RFX3: variants seen among roughly 807,000 people sequenced by gnomAD.
RFX3 encodes the protein transcription factor RFX3.
RFX3 carries 14 observed loss-of-function variants against 98.6 expected under a neutral mutation model. That is an observed-to-expected ratio of 0.14 (90% CI 0.09 to 0.22). The LOEUF (loss-of-function observed/expected upper bound fraction) is 0.22, where lower values mean the gene tolerates loss of function less well. Ranked by LOEUF, RFX3 falls within the 10% of genes least tolerant of loss-of-function variation. RFX3 has a pLI of 1.00. For missense variants in RFX3, 639 were observed against 926.9 expected (o/e 0.69, Z 4.03); for synonymous variants, 383 against 328.4 (o/e 1.17, Z -1.80).
chr9:3,362,891 C>T (rs903317548), intron 2 of RFX3, among the ~76,000 whole-genome samples: 2 of 152,236 alleles, frequency 1.3e-5, no homozygotes, highest in East Asian at 3.9e-4. Flanking sequence ...TGTCTGGGAG[C>T]AGGAATGTTA....
At chr9:3,460,521 C>G (rs1023238342) in intron 1 of RFX3, among the ~76,000 whole-genome samples, 1 of 151,794 alleles carries the variant, frequency 6.6e-6, no homozygotes, top group East Asian at 1.9e-4. Context: ...TAAGATAAAC[C>G]AACATTTTAA....
chr9:3,296,460 A>G (rs1289278412), intron 5 of RFX3, among the ~76,000 whole-genome samples: 1 of 152,084 alleles, frequency 6.6e-6, no homozygotes, highest in Non-Finnish European at 1.5e-5. Flanking sequence ...TGTTCTTCTT[A>G]TATAGTTTAT....
chr9:3,433,959 T>C (rs773959325), intron 1 of RFX3, among the ~76,000 whole-genome samples: 1 of 152,178 alleles, frequency 6.6e-6, no homozygotes, highest in Non-Finnish European at 1.5e-5. Flanking sequence ...CCAGGCGGAT[T>C]TGGCACCAAG....
At chr9:3,296,471 A>G (rs1228771377) in intron 5 of RFX3, among the ~76,000 whole-genome samples, 1 of 152,098 alleles carries the variant, frequency 6.6e-6, no homozygotes, top group Non-Finnish European at 1.5e-5. Flanking sequence ...TATAGTTTAT[A>G]TTCTTAAACT....
intron 2 of RFX3, among the ~76,000 whole-genome samples, chr9:3,374,766 G>C (rs1421826766): frequency 6.6e-6 from 1 of 151,930 alleles, no homozygotes; most frequent in Non-Finnish European, 1.5e-5. Context: ...CTGGAGACTG[G>C]TTGCACAACA....
intron 1 of RFX3, among the ~76,000 whole-genome samples, chr9:3,420,075 G>A (rs1843313302): frequency 1.3e-5 from 2 of 152,192 alleles, no homozygotes; most frequent in African/African-American, 4.8e-5. Context: ...GAACGTCGGG[G>A]CCCGCAGCAC....
Position 3,228,756 on chromosome 9 carries a change from CAG to C in RFX3, c.2011+89_2011+90del, listed in dbSNP as rs1818093839. The C allele has an allele frequency of 4.0e-6, 4 of 999,826 alleles. No individual in the cohort carries two copies. In the East Asian group the frequency reaches 1.1e-4, roughly 27 times the overall value. 61.9% of individuals were successfully genotyped at this position (999,826 alleles called of 1,614,324 possible). A position where few individuals can be genotyped will look rare whatever the true frequency, so the allele number is the denominator to read the frequency against. ...GATTTGTATGCCACTTCCACAAAAT[CAG>C]AGTGTTGTAAACATATACCGTATTT... On this transcript the variant is annotated intron_variant, in intron 16 of 16. Transcript: ENST00000617270.
intron 2 of RFX3, among the ~76,000 whole-genome samples, chr9:3,395,130 T>A (rs1037167667): frequency 1.3e-5 from 2 of 152,076 alleles, no homozygotes; most frequent in Non-Finnish European, 2.9e-5. Context: ...CATTTCAATA[T>A]GAAAGAAATA....
chr9:3,353,306 C>G (rs1402810937), intron 2 of RFX3, among the ~76,000 whole-genome samples: 1 of 151,604 alleles, frequency 6.6e-6, no homozygotes, highest in African/African-American at 2.4e-5. Context: ...ATGTAACTAA[C>G]CTGCACATTG....
At chr9:3,436,819 T>C (rs1845166333) in intron 1 of RFX3, among the ~76,000 whole-genome samples, 1 of 151,924 alleles carries the variant, frequency 6.6e-6, no homozygotes, top group South Asian at 2.1e-4. Context: ...TACTCAGACA[T>C]ACAGGGAAGG....
chr9:3,507,430 C>G (rs1174863615), intron 1 of RFX3, among the ~76,000 whole-genome samples: 1 of 151,914 alleles, frequency 6.6e-6, no homozygotes, highest in Non-Finnish European at 1.5e-5. Flanking sequence ...CATATACTGT[C>G]TTTGAAACAA....
intron 1 of RFX3, among the ~76,000 whole-genome samples, chr9:3,478,725 T>C (rs1463181836): frequency 6.6e-6 from 1 of 152,176 alleles, no homozygotes; most frequent in Non-Finnish European, 1.5e-5. Flanking sequence ...TGTACAGCCT[T>C]TTAAATACCC....
chr9:3,312,895 G>C (rs10971359), intron 4 of RFX3, among the ~76,000 whole-genome samples: 1 of 152,370 alleles, frequency 6.6e-6, no homozygotes, highest in Admixed American at 6.5e-5. Context: ...GCCCACCGCA[G>C]ATCAAGGAGG....
chr9:3,345,324 G>C (rs1168398355), intron 3 of RFX3, among the ~76,000 whole-genome samples: 1 of 152,130 alleles, frequency 6.6e-6, no homozygotes, highest in East Asian at 1.9e-4. Flanking sequence ...AATATTTGGG[G>C]AAAAATGCAC....
At chr9:3,353,101 A>G (rs1835347436) in intron 2 of RFX3, among the ~76,000 whole-genome samples, 1 of 151,804 alleles carries the variant, frequency 6.6e-6, no homozygotes, top group African/African-American at 2.4e-5. Flanking sequence ...GCAAGGACAA[A>G]AAACCAAACA....
intron 2 of RFX3, among the ~76,000 whole-genome samples, chr9:3,355,501 A>T (rs1835642457): frequency 6.6e-6 from 1 of 151,920 alleles, no homozygotes; most frequent in South Asian, 2.1e-4. Context: ...AGAAATAATA[A>T]ATCCTACATG....
intron 15 of RFX3, among the ~76,000 whole-genome samples, chr9:3,243,805 A>C (rs1478552640): frequency 6.6e-6 from 1 of 152,174 alleles, no homozygotes; most frequent in East Asian, 1.9e-4. Context: ...ACTATTTTGC[A>C]GGTTTGCCCT....
At chr9:3,467,773 G>C (rs1848441168) in intron 1 of RFX3, among the ~76,000 whole-genome samples, 1 of 152,188 alleles carries the variant, frequency 6.6e-6, no homozygotes, top group African/African-American at 2.4e-5. Flanking sequence ...GCAATGGCCA[G>C]TAGAGGCTGC....
chr9:3,368,333 T>C (rs1364597126), intron 2 of RFX3, among the ~76,000 whole-genome samples: 2 of 152,170 alleles, frequency 1.3e-5, no homozygotes, highest in Non-Finnish European at 2.9e-5. Flanking sequence ...TTCTATTCTA[T>C]CTGAATCCTT....
Sources: allele counts gnomAD v4.1 joint callset (sites outside exome capture counted in the v4.1 genomes callset), GRCh38; gene constraint gnomAD v4.1.1; transcripts MANE v1.5; gene names NCBI Gene and HGNC (gene_info 2026-07-23, HGNC 2026-07-21).